Variants in TJP2 observed in about 807,000 individuals in gnomAD.
The protein encoded by TJP2 is Friedreich ataxia region gene X104 (tight junction protein ZO-2).
TJP2 carries 91 observed loss-of-function variants against 133.1 expected under a neutral mutation model. The observed-to-expected ratio is 0.68, with a 90% confidence interval of 0.58 to 0.81. The LOEUF (loss-of-function observed/expected upper bound fraction) is 0.81. TJP2 is among the 40% of genes least tolerant of loss of function. The pLI, the probability that TJP2 is intolerant of heterozygous loss-of-function variation, is 0.00. For synonymous variants in TJP2, 592 were observed against 583.4 expected, an observed-to-expected ratio of 1.01 and a Z score of -0.21; for missense variants, 1,541 against 1,565.6, an observed-to-expected ratio of 0.98 and a Z score of 0.26.
intron 2 of TJP2, 127 bp from the exon 3 acceptor site, chr9:69,216,212 T>C (rs916432744): frequency 3.5e-5 from 40 of 1,145,030 alleles, no homozygotes; most frequent in Admixed American, 6.0e-5. Flanking sequence ...CATTTGTTTC[T>C]GTAAGCCCAT....
At chr9:69,198,685 A>G (rs1826773672) in intron 1 of TJP2, among the ~76,000 whole-genome samples, 1 of 152,250 alleles carries the variant, frequency 6.6e-6, no homozygotes, top group Non-Finnish European at 1.5e-5. Context: ...CTGTGAGCAC[A>G]TCGCATACAC....
Position 69,158,962 on chromosome 9 carries a change from C to G in TJP2, c.-10+7191C>G, listed in dbSNP as rs539560067. Among the ~76,000 whole-genome samples the G allele has an allele frequency of 8.4e-4, 127 of 151,426 alleles. 1 individual carries two copies. The highest frequency in any genetic ancestry group is 3.0e-3 in the African/African-American group (121 of 40,926). ...TGATTGTGTAGTGAGATTAGGCAATCCCCTTGGGCAGGATTCACCGCCCCC... is the reference window on the plus strand; with the variant it reads ...TGATTGTGTAGTGAGATTAGGCAATGCCCTTGGGCAGGATTCACCGCCCCC... On this transcript the variant is annotated intron_variant, in intron 2 of 5. Transcript: ENST00000423935.
intron 10 of TJP2, among the ~76,000 whole-genome samples, chr9:69,229,548 G>C (rs1829610948): frequency 6.6e-6 from 1 of 152,214 alleles, no homozygotes; most frequent in Non-Finnish European, 1.5e-5. Context: ...CTCCCAAATA[G>C]GTGAAGTATT....
Position 69,236,097 on chromosome 9 carries a change from A to G in TJP2, c.1850A>G (p.Lys617Arg), listed in dbSNP as rs763126824. 1.2e-6 allele frequency: 2 copies of G among 1,614,070 alleles called. No individual in the cohort carries two copies. Among genetic ancestry groups the G allele is most frequent in the Non-Finnish European group, 1.7e-6 (2 of 1,180,046 alleles). The change falls in exon 13 of 23, where the codon AAG (lysine) becomes AGG (arginine). Residue 617 changes from lysine to arginine, a missense_variant. Transcript: ENST00000377245. ...ATAAGAAGCCACTTTGAATGTGAGAAGGAAACTCCACAGAGCCTGGCCTTC... is the reference window on the plus strand; with the variant it reads ...ATAAGAAGCCACTTTGAATGTGAGAGGGAAACTCCACAGAGCCTGGCCTTC... The part of the protein sequence containing the change: ...FFIRSHFECE[K>R]ETPQSLAFTR...
Position 69,174,350 on chromosome 9 carries a change from C to T in TJP2, c.-23C>T. 1 of 1,551,318 alleles carries T rather than the reference C, an allele frequency of 6.4e-7. No individual in the cohort carries two copies. Among genetic ancestry groups the T allele is most frequent in the South Asian group, 1.2e-5 (1 of 84,058 alleles). The stretch of plus-strand genomic sequence containing the variant: ...CAGAAGCGGGGTCCGGAGCTGCGCG[C>T]CTACGCGGGACCTGTGTCCGAAATG... On this transcript the variant is annotated 5_prime_UTR_variant, in exon 1 of 23. Coordinates refer to ENST00000377245, the MANE Select transcript of TJP2 (RefSeq NM_004817.4).
At position 69,251,270 on chromosome 9, in the gene TJP2, A is replaced by G. The variant is rs372741297; in HGVS notation, c.3227A>G (p.Lys1076Arg). The G allele has an allele frequency of 1.1e-5, 17 of 1,614,106 alleles. No individual in the cohort carries two copies. The highest frequency in any genetic ancestry group is 1.4e-5 in the Non-Finnish European group (17 of 1,180,052). Residue 1076 changes from lysine to arginine, a missense_variant, in exon 21 of 23, where the codon AAA (lysine) becomes AGA (arginine). By Grantham distance (26) the Lys-to-Arg change is conservative. Coordinates refer to ENST00000377245, the MANE Select transcript of TJP2 (RefSeq NM_004817.4). ...AGTGAGGAGCAAGATAATGCTCCCAAATCAGTCCTGGGCAAAGTCAAAATA... is the reference window on the plus strand; with the variant it reads ...AGTGAGGAGCAAGATAATGCTCCCAGATCAGTCCTGGGCAAAGTCAAAATA... The part of the protein sequence containing the change: ...ESSEEQDNAP[K>R]SVLGKVKIFE...
rs540267217 is a variant in TJP2 at position 69,250,927 on chromosome 9, G to A, written c.2992-108G>A. ...CATTCCTTGTCAGAATGGTATTTGT[G>A]GACCACCTTTGGAAACTGATCAGGA... On this transcript the variant is annotated intron_variant, in intron 20 of 22. Transcript: ENST00000377245. 335 of 1,167,098 alleles carry A rather than the reference G, an allele frequency of 2.9e-4. 1 individual carries two copies. Among genetic ancestry groups the A allele is most frequent in the Non-Finnish European group, 2.7e-4 (215 of 786,984 alleles). 72.3% of individuals were successfully genotyped at this position (1,167,098 alleles called of 1,614,324 possible).
rs1452968318 is a variant in TJP2, at chr9:69,237,894, T to C, written c.2196T>C (p.Pro732=). ...VLLREAGFKR[P]VVLFGPIADI... is the part of the protein sequence containing the mutation. ...TCATTTCAGCTGGTTTCAAGAGACC[T>C]GTGGTCTTATTCGGCCCCATAGCTG... Residue 732 remains proline (P), a synonymous_variant, in exon 15 of 23, where the codon CCT becomes CCC. Coordinates refer to ENST00000377245, the MANE Select transcript of TJP2 (RefSeq NM_004817.4). The C allele has an allele frequency of 3.7e-6, 6 of 1,613,698 alleles. No individual in the cohort carries two copies. Among genetic ancestry groups the C allele is most frequent in the Non-Finnish European group, 5.1e-6 (6 of 1,179,622 alleles).
chr9:69,212,324 C>T (rs1032268501), intron 1 of TJP2, among the ~76,000 whole-genome samples: 1 of 152,202 alleles, frequency 6.6e-6, no homozygotes, highest in Non-Finnish European at 1.5e-5. Flanking sequence ...TAGGGTCTGT[C>T]TCTCACTATG....
At position 69,168,958 on chromosome 9, in the gene TJP2, T is replaced by C. The variant is rs535789021; in HGVS notation, c.-10+17187T>C. 6.6e-4 allele frequency among the ~76,000 whole-genome samples: 99 copies of C among 150,904 alleles called. 1 individual carries two copies. Among genetic ancestry groups the C allele is most frequent in the Non-Finnish European group, 1.3e-3 (90 of 67,788 alleles). On this transcript the variant is annotated intron_variant, in intron 2 of 5. Transcript: ENST00000423935. ...GGAGGAAGCCTGCAGGTGAACCGGG[T>C]GGTTATTGTTAACTGGTGTTTGGAC...
At chr9:69,172,086 C>T (rs114504601), upstream of TJP2, among the ~76,000 whole-genome samples, 1,245 of 152,226 alleles carry the variant, frequency 8.2e-3, 28 homozygotes, top group African/African-American at 0.028. Context: ...TGAGCCACCG[C>T]GCCCTGCGGA....
intron 1 of TJP2, among the ~76,000 whole-genome samples, chr9:69,149,571 A>G (rs1329072450): frequency 1.3e-5 from 2 of 150,726 alleles, no homozygotes; most frequent in Admixed American, 1.3e-4. Flanking sequence ...AGTGTTTTGC[A>G]CAGACGCCAC....
At position 69,251,149 on chromosome 9, in the gene TJP2, C is replaced by A. The variant is rs1831301219; in HGVS notation, c.3106C>A (p.Pro1036Thr). 1 of 1,614,168 alleles carries A rather than the reference C, an allele frequency of 6.2e-7. No individual in the cohort carries two copies. The highest frequency in any genetic ancestry group is 8.5e-7 in the Non-Finnish European group (1 of 1,180,028). ...TCCTGGGGCATCTACCAAAGGTTAT[C>A]CTCCTCCTGTTGCAGCAAAACCTAC... ...ETPGASTKGY[P>T]PPVAAKPTFG... Residue 1036 changes from proline (P) to threonine (T), a missense_variant, in exon 21 of 23, where the codon CCT becomes ACT. Physicochemically the swap from Pro to Thr is conservative, Grantham distance 38. Coordinates refer to ENST00000377245, the MANE Select transcript of TJP2 (RefSeq NM_004817.4).
intron 1 of TJP2, chr9:69,145,935 C>T (rs1304534213): frequency 2.5e-5 from 12 of 483,528 alleles, no homozygotes; most frequent in Non-Finnish European, 3.6e-5. Flanking sequence ...ATGAGTTCTT[C>T]ATTAAGAACT....
chr9:69,249,574 G>C (rs1482206574), intron 20 of TJP2, 89 bp downstream of exon 20: 16 of 1,547,914 alleles, frequency 1.0e-5, no homozygotes, highest in African/African-American at 2.7e-5. Context: ...CATGCACACT[G>C]AGATGGTGTT....
rs373124858 is a variant in TJP2 at position 69,214,226 on chromosome 9, C to G, written c.114+1625C>G. 3.9e-5 allele frequency among the ~76,000 whole-genome samples: 6 copies of G among 152,110 alleles called. No homozygotes were observed. The East Asian group carries it at 7.7e-4, about 20-fold the overall frequency. On this transcript the variant is annotated intron_variant, in intron 2 of 22. Coordinates refer to ENST00000377245, the MANE Select transcript of TJP2 (RefSeq NM_004817.4). ...CCAGCCTCCTAAGTAGCTGGGATTA[C>G]AGGGGTGTGCCACCACACCTGGCTA...
At chr9:69,215,850 T>C (rs1489704116) in intron 2 of TJP2, among the ~76,000 whole-genome samples, 1 of 152,048 alleles carries the variant, frequency 6.6e-6, no homozygotes, top group Non-Finnish European at 1.5e-5. Context: ...CTGTAGTGAG[T>C]AGTGATCACA....
At chr9:69,165,595 A>G (rs1824308345) in intron 2 of TJP2, among the ~76,000 whole-genome samples, 2 of 152,232 alleles carry the variant, frequency 1.3e-5, no homozygotes, top group Non-Finnish European at 2.9e-5. Context: ...CAGAATATGC[A>G]TTTAGTCAAT....
chr9:69,213,572 C>T (rs546998135), intron 2 of TJP2, among the ~76,000 whole-genome samples: 17 of 152,180 alleles, frequency 1.1e-4, no homozygotes, highest in Non-Finnish European at 1.9e-4. Context: ...AAAGACATTC[C>T]CGAATTTAAT....
Sources: allele counts gnomAD v4.1 joint callset (sites outside exome capture counted in the v4.1 genomes callset), GRCh38; gene constraint gnomAD v4.1.1; transcripts MANE v1.5; gene names NCBI Gene and HGNC (gene_info 2026-07-23, HGNC 2026-07-21).